Variants in R3HDM1 observed in about 807,000 individuals in gnomAD.
R3HDM1 encodes R3H domain containing 1.
A neutral mutation model predicts 141.1 loss-of-function variants in R3HDM1; 46 were observed. The ratio of observed to expected loss-of-function variants is 0.33; its 90% confidence interval spans 0.26 to 0.42. The LOEUF (loss-of-function observed/expected upper bound fraction) is 0.42, where lower values mean the gene tolerates loss of function less well. Ranked by LOEUF, R3HDM1 falls within the 10% of genes least tolerant of loss-of-function variation. The pLI is 1.00. For missense variants in R3HDM1, 1,184 were observed against 1,368.3 expected (o/e 0.87, Z 2.12); for synonymous variants, 435 against 472.9 (o/e 0.92, Z 1.04).
At chr2:135,592,564 C>CA (rs570393292) in intron 1 of R3HDM1, among the ~76,000 whole-genome samples, 24 of 151,800 alleles carry the variant, frequency 1.6e-4, no homozygotes, top group African/African-American at 4.6e-4. Context: ...TGGAAACAAA[C>CA]AAAAAAAACT....
At chr2:135,540,598 T>G (rs113788138) in intron 1 of R3HDM1, among the ~76,000 whole-genome samples, 6 of 152,146 alleles carry the variant, frequency 3.9e-5, no homozygotes, top group African/African-American at 1.4e-4. Context: ...TTATTTATTT[T>G]TGTAGGGACA....
At chr2:135,621,227 A>G (rs576895987) in intron 5 of R3HDM1, among the ~76,000 whole-genome samples, 5 of 152,176 alleles carry the variant, frequency 3.3e-5, no homozygotes, top group South Asian at 2.1e-4. Flanking sequence ...CACTTAAACT[A>G]TAATAGAAAA....
At chr2:135,641,442 A>G (rs1574612709) in intron 14 of R3HDM1, 94 bp from the exon 15 acceptor site, 2 of 1,346,716 alleles carry the variant, frequency 1.5e-6, no homozygotes, top group East Asian at 2.3e-5. Context: ...TAGTAACTGC[A>G]TGTTATGCAA....
intron 1 of R3HDM1, among the ~76,000 whole-genome samples, chr2:135,556,449 C>T (rs1700780681): frequency 1.3e-5 from 2 of 151,352 alleles, no homozygotes; most frequent in South Asian, 4.2e-4. Flanking sequence ...ATGAAAAAAT[C>T]AACTAGACCT....
chr2:135,559,181 G>A (rs910782570), intron 1 of R3HDM1: 18 of 386,048 alleles, frequency 4.7e-5, no homozygotes, highest in Middle Eastern at 1.3e-3. Flanking sequence ...GCATGATCAC[G>A]ACTCACTGCA....
intron 5 of R3HDM1, among the ~76,000 whole-genome samples, chr2:135,618,463 AT>A (rs755774961): frequency 0.28 from 34,657 of 123,918 alleles, 5,046 homozygotes; most frequent in East Asian, 0.53. Context: ...CGCCCGGCTG[AT>A]TTTTTTTTTT....
At chr2:135,632,080 G>A in intron 9 of R3HDM1, 79 bp downstream of exon 9, 2 of 1,171,652 alleles carry the variant, frequency 1.7e-6, no homozygotes, top group South Asian at 2.4e-5. Context: ...TTTCATCTGA[G>A]GTTTTCCACA....
At chr2:135,672,592 CCAT>C (rs2068561665) in intron 19 of R3HDM1, among the ~76,000 whole-genome samples, 1 of 152,090 alleles carries the variant, frequency 6.6e-6, no homozygotes, top group South Asian at 2.1e-4. Flanking sequence ...AAGATAGGGA[CCAT>C]GTCATATCTA....
chr2:135,702,666 A>G (rs2074387166), intron 21 of R3HDM1, among the ~76,000 whole-genome samples: 1 of 151,662 alleles, frequency 6.6e-6, no homozygotes, highest in Admixed American at 6.6e-5. Context: ...AAAAAAAAAA[A>G]AAATATCAGG....
intron 15 of R3HDM1, among the ~76,000 whole-genome samples, chr2:135,644,947 T>C (rs529655378): frequency 1.3e-5 from 2 of 152,272 alleles, no homozygotes; most frequent in East Asian, 1.9e-4. Flanking sequence ...CCATGTGTAA[T>C]GTCACATGCC....
chr2:135,563,016 G>A (rs1702067813), intron 1 of R3HDM1, among the ~76,000 whole-genome samples: 1 of 152,162 alleles, frequency 6.6e-6, no homozygotes, highest in African/African-American at 2.4e-5. Flanking sequence ...TTCCAGTTTG[G>A]ATAAGTTATT....
At chr2:135,555,240 T>C (rs1700518453) in intron 1 of R3HDM1, among the ~76,000 whole-genome samples, 1 of 148,280 alleles carries the variant, frequency 6.7e-6, no homozygotes, top group Non-Finnish European at 1.5e-5. Flanking sequence ...GAGATTGTAG[T>C]GAGCCGAGAT....
chr2:135,690,192 CT>C lies in R3HDM1; in HGVS notation c.2459+9870del, dbSNP rs77217082. On this transcript the variant is annotated intron_variant, in intron 21 of 26. Coordinates refer to ENST00000683871, the MANE Select transcript of R3HDM1 (RefSeq NM_001378107.1). ...CTTTTGTCCTACTTGTGATACCTCT[CT>C]TGTATTCATTTTATTTCTCCTAAGC... is the stretch of plus-strand genomic sequence containing the variant. Among the ~76,000 whole-genome samples the C allele has an allele frequency of 0.011, 1,613 of 152,146 alleles. 97 individuals carry two copies. In the East Asian group the frequency reaches 0.19, roughly 18 times the overall value.
chr2:135,562,442 T>C (rs1701968820), intron 1 of R3HDM1, among the ~76,000 whole-genome samples: 1 of 152,242 alleles, frequency 6.6e-6, no homozygotes, highest in African/African-American at 2.4e-5. Context: ...CAATTCTTAA[T>C]TATTTGGTCG....
At chr2:135,623,028 A>G in intron 7 of R3HDM1, 3 of 980,904 alleles carry the variant, frequency 3.1e-6, no homozygotes, top group Non-Finnish European at 3.6e-6. Context: ...GAAAAAAGAA[A>G]AATAGGTATC....
chr2:135,579,265 A>T (rs977457321), intron 1 of R3HDM1, among the ~76,000 whole-genome samples: 1 of 152,270 alleles, frequency 6.6e-6, no homozygotes. Flanking sequence ...CCAATGGCCC[A>T]AAGTGGGATA....
chr2:135,535,392 G>A (rs1029695274), intron 1 of R3HDM1, among the ~76,000 whole-genome samples: 6 of 151,828 alleles, frequency 4.0e-5, no homozygotes, highest in Admixed American at 6.6e-5. Context: ...CCAGCTACTC[G>A]GGAGGCTGAG....
chr2:135,675,229 A>C, intron 19 of R3HDM1, 103 bp from the exon 20 acceptor site: 2 of 1,198,968 alleles, frequency 1.7e-6, no homozygotes, highest in Non-Finnish European at 2.3e-6. Context: ...TTTAATCAAA[A>C]TTTTATCATT....
At chr2:135,630,933 A>G (rs2062645581) in intron 7 of R3HDM1, among the ~76,000 whole-genome samples, 1 of 152,076 alleles carries the variant, frequency 6.6e-6, no homozygotes, top group Admixed American at 6.6e-5. Flanking sequence ...AGCTAAGAGA[A>G]CTAAATAAGA....
Sources: gnomAD v4.1 joint callset for allele counts (sites outside exome capture counted in the v4.1 genomes callset) on GRCh38, gnomAD v4.1.1 for gene constraint, MANE v1.5 for transcripts, NCBI Gene and HGNC (gene_info 2026-07-23, HGNC 2026-07-21) for gene names.